The following GLI2 variants were observed in gnomAD, a reference collection of about 807,000 sequenced individuals.
GLI2 encodes the protein GLI family zinc finger 2.
GLI2 carries 22 observed loss-of-function variants against 78.9 expected under a neutral mutation model. The ratio of observed to expected loss-of-function variants is 0.28; its 90% CI spans 0.20 to 0.40. GLI2 has a LOEUF of 0.40. Among genes scored for constraint, GLI2 ranks in the 10% least tolerant of loss-of-function variants. GLI2 has a pLI of 1.00. For synonymous variants in GLI2, 974 were observed against 963.7 expected, an observed-to-expected ratio of 1.01 and a Z score of -0.20; for missense variants, 2,097 against 2,213.2, an observed-to-expected ratio of 0.95 and a Z score of 1.05.
chr2:120,852,340 G>A (rs1288470058), intron 2 of GLI2, among the ~76,000 whole-genome samples: 1 of 152,146 alleles, frequency 6.6e-6, no homozygotes, highest in Non-Finnish European at 1.5e-5. Flanking sequence ...TCCATTTTCG[G>A]GCCAGCTCTG....
intron 3 of GLI2, among the ~76,000 whole-genome samples, chr2:120,928,522 T>C (rs1003323746): frequency 5.3e-5 from 8 of 152,212 alleles, no homozygotes; most frequent in Non-Finnish European, 8.8e-5. Flanking sequence ...AATGCTGACA[T>C]GAATAGGTGT....
At chr2:120,874,162 C>T (rs1688609819) in intron 2 of GLI2, among the ~76,000 whole-genome samples, 1 of 152,144 alleles carries the variant, frequency 6.6e-6, no homozygotes, top group African/African-American at 2.4e-5. Flanking sequence ...TCAGAACCAC[C>T]CCTCCCAGCC....
At chr2:120,773,713 AG>A (rs1318287879) in intron 1 of GLI2, among the ~76,000 whole-genome samples, 2 of 152,158 alleles carry the variant, frequency 1.3e-5, no homozygotes, top group African/African-American at 2.4e-5. Flanking sequence ...GCATAGTCGC[AG>A]GTGGCAGGTG....
chr2:120,751,094 T>G (rs563223022), intron 1 of GLI2, among the ~76,000 whole-genome samples: 23 of 152,288 alleles, frequency 1.5e-4, no homozygotes, highest in African/African-American at 5.5e-4. Context: ...ACTGTGTGGC[T>G]CCCACAGGGC....
chr2:120,783,106 C>T (rs1016498493), intron 1 of GLI2, among the ~76,000 whole-genome samples: 5 of 152,090 alleles, frequency 3.3e-5, no homozygotes, highest in African/African-American at 1.2e-4. Flanking sequence ...CTTCCATGCT[C>T]AGACCCAAAT....
Position 120,988,658 on chromosome 2 carries a change from C to G in GLI2, c.2693C>G (p.Thr898Ser), listed in dbSNP as rs753583106. 1 of 1,409,366 alleles carries G rather than the reference C, an allele frequency of 7.1e-7. No homozygotes were observed. The highest frequency in any genetic ancestry group is 1.4e-5 in the South Asian group (1 of 72,268). The allele number at this position is 1,409,366 out of a possible 1,614,324, so 87.3% of individuals were successfully genotyped here. ...LPGLERMSLRTRLALLDAPER... is the reference protein window; with the variant it reads ...LPGLERMSLRSRLALLDAPER... ...GGCCTGGAGCGCATGAGCCTGCGGA[C>G]CAGGCTGGCGCTGCTGGACGCGCCC... The change falls in exon 14 of 14, where the codon ACC becomes AGC. Residue 898 changes from threonine (T) to serine (S), a missense_variant. Transcript: ENST00000361492.
chr2:120,873,759 C>G (rs1341654627), intron 2 of GLI2, among the ~76,000 whole-genome samples: 2 of 152,208 alleles, frequency 1.3e-5, no homozygotes, highest in Non-Finnish European at 2.9e-5. Flanking sequence ...CGAGCCTCCT[C>G]ATCTGACCGA....
chr2:120,928,713 A>G (rs1243097414), intron 3 of GLI2, among the ~76,000 whole-genome samples: 1 of 152,252 alleles, frequency 6.6e-6, no homozygotes, highest in African/African-American at 2.4e-5. Context: ...TGCCTCCCCA[A>G]GACGGAGCAA....
intron 3 of GLI2, among the ~76,000 whole-genome samples, chr2:120,947,839 A>G (rs1053693887): frequency 6.6e-6 from 1 of 152,116 alleles, no homozygotes; most frequent in Admixed American, 6.5e-5. Context: ...TCCCGAGAGC[A>G]TTTGTATCTG....
At chr2:120,856,176 C>T (rs971946647) in intron 2 of GLI2, among the ~76,000 whole-genome samples, 2 of 152,152 alleles carry the variant, frequency 1.3e-5, no homozygotes, top group Non-Finnish European at 2.9e-5. Flanking sequence ...ACTTATTTTC[C>T]AACACCTCAG....
intron 10 of GLI2, among the ~76,000 whole-genome samples, chr2:120,979,922 T>C (rs983623712): frequency 5.3e-5 from 8 of 152,256 alleles, no homozygotes; most frequent in African/African-American, 1.9e-4. Context: ...GTCTTGCTTC[T>C]TTCAGTTAAC....
intron 2 of GLI2, among the ~76,000 whole-genome samples, chr2:120,832,286 C>A (rs1185621299): frequency 6.6e-6 from 1 of 152,168 alleles, no homozygotes; most frequent in Non-Finnish European, 1.5e-5. Flanking sequence ...AATGAAGTAC[C>A]CAGAACCCCA....
chr2:120,802,896 A>G (rs1243676395), intron 2 of GLI2, among the ~76,000 whole-genome samples: 1 of 152,240 alleles, frequency 6.6e-6, no homozygotes, highest in Non-Finnish European at 1.5e-5. Context: ...AATTGTTAGA[A>G]ATGCTAATTC....
intron 2 of GLI2, among the ~76,000 whole-genome samples, chr2:120,899,260 G>A (rs1312766729): frequency 1.3e-5 from 2 of 152,196 alleles, no homozygotes; most frequent in African/African-American, 4.8e-5. Context: ...TGGGAGATGG[G>A]TTTTGCAGAT....
intron 1 of GLI2, among the ~76,000 whole-genome samples, chr2:120,748,205 GT>G (rs1682749806): frequency 6.6e-6 from 1 of 152,228 alleles, no homozygotes; most frequent in African/African-American, 2.4e-5. Flanking sequence ...GGATAGGTCT[GT>G]TTTCCTGGCT....
intron 3 of GLI2, among the ~76,000 whole-genome samples, chr2:120,945,811 C>CT (rs1680677561): frequency 2.0e-5 from 3 of 152,158 alleles, no homozygotes; most frequent in Non-Finnish European, 2.9e-5. Context: ...TTGAACCGAT[C>CT]ACAGTACTAG....
At position 120,989,919 on chromosome 2, in the gene GLI2, G is replaced by A. The variant is rs570401582; in HGVS notation, c.3954G>A (p.Glu1318=). 3 of 1,612,648 alleles carry A rather than the reference G, an allele frequency of 1.9e-6. No individual in the cohort carries two copies. The highest frequency in any genetic ancestry group is 2.2e-5 in the East Asian group (1 of 44,878). ...SHHLAASMSQ[E]GYHQVPSLLP... The stretch of plus-strand genomic sequence containing the variant: ...ACCTGGCAGCCTCCATGAGCCAGGA[G>A]GGCTACCACCAGGTCCCCAGCCTTC... The change falls in exon 14 of 14, where the codon GAG becomes GAA. Residue 1318 remains glutamate, a synonymous_variant. Coordinates refer to ENST00000361492, the MANE Select transcript of GLI2 (RefSeq NM_001374353.1).
chr2:120,783,410 G>A (rs1461376583), intron 1 of GLI2, among the ~76,000 whole-genome samples: 3 of 152,132 alleles, frequency 2.0e-5, no homozygotes, highest in African/African-American at 7.2e-5. Flanking sequence ...GGCTGGCAGG[G>A]AGACCATGAT....
Position 120,927,343 on chromosome 2 carries a change from C to A in GLI2, c.149-18C>A. 3 of 1,573,496 alleles carry A rather than the reference C, an allele frequency of 1.9e-6. No individual in the cohort carries two copies. The highest frequency in any genetic ancestry group is 2.6e-6 in the Non-Finnish European group (3 of 1,143,000). ...GGGGAAAGTTTTTGAAGTCTTGTTT[C>A]TCTCTCCCCCTCTGCAGTGCCGCAG... is the stretch of plus-strand genomic sequence containing the variant. On this transcript the variant is annotated intron_variant, in intron 2 of 13. Coordinates refer to ENST00000361492, the MANE Select transcript of GLI2 (RefSeq NM_001374353.1).
Sources: allele counts gnomAD v4.1 joint callset (sites outside exome capture counted in the v4.1 genomes callset), GRCh38; gene constraint gnomAD v4.1.1; transcripts MANE v1.5; gene names NCBI Gene and HGNC (gene_info 2026-07-23, HGNC 2026-07-21).